CACNA1G: variants seen among roughly 807,000 people sequenced by gnomAD.
The protein encoded by CACNA1G is voltage-dependent T-type calcium channel subunit alpha-1G.
CACNA1G carries 67 observed loss-of-function variants against 219.4 expected under a neutral mutation model. The observed-to-expected ratio is 0.31, with a 90% CI of 0.25 to 0.37. The LOEUF (loss-of-function observed/expected upper bound fraction) is 0.37. CACNA1G is among the 10% of genes least tolerant of loss of function. CACNA1G has a pLI of 1.00. For synonymous variants in CACNA1G, 1,296 were observed against 1,345.3 expected, an observed-to-expected ratio of 0.96 and a Z score of 0.80; for missense variants, 2,380 against 3,231.4, an observed-to-expected ratio of 0.74 and a Z score of 6.39.
intron 1 of CACNA1G, among the ~76,000 whole-genome samples, chr17:50,562,372 C>A (rs1160964128): frequency 6.6e-6 from 1 of 152,108 alleles, no homozygotes; most frequent in Admixed American, 6.6e-5. Context: ...ATTCCGGCGG[C>A]GGCTGATGTC....
At chr17:50,579,468 C>G (rs1237820621) in intron 9 of CACNA1G, among the ~76,000 whole-genome samples, 1 of 152,114 alleles carries the variant, frequency 6.6e-6, no homozygotes, top group African/African-American at 2.4e-5. Flanking sequence ...CACCATGGGT[C>G]CTCACAACTG....
chr17:50,613,159 T>A (rs1231431585), intron 26 of CACNA1G, among the ~76,000 whole-genome samples: 1 of 152,220 alleles, frequency 6.6e-6, no homozygotes, highest in Non-Finnish European at 1.5e-5. Context: ...CGGGTCCAGC[T>A]CGGTCATGCC....
At chr17:50,624,597 G>A (rs2053190396) in intron 37 of CACNA1G, 68 bp downstream of exon 37, 2 of 1,365,670 alleles carry the variant, frequency 1.5e-6, no homozygotes, top group African/African-American at 1.5e-5. Context: ...GATGACCTGT[G>A]TTGACACTTT....
At position 50,613,413 on chromosome 17, in the gene CACNA1G, G is replaced by T. The variant is rs115154741; in HGVS notation, c.4760-1948G>T. Among the ~76,000 whole-genome samples the T allele has an allele frequency of 6.2e-3, 950 of 152,216 alleles. 13 individuals carry two copies. Among genetic ancestry groups the T allele is most frequent in the African/African-American group, 0.022 (905 of 41,534 alleles). ...GCAGATGCCCTGCCTCAGTCCTCCTGCCCCGCCTTCCTTCTGGGCCTCTTG... is the reference window on the plus strand; with the variant it reads ...GCAGATGCCCTGCCTCAGTCCTCCTTCCCCGCCTTCCTTCTGGGCCTCTTG... On this transcript the variant is annotated intron_variant, in intron 26 of 37. Coordinates refer to ENST00000359106, the MANE Select transcript of CACNA1G (RefSeq NM_018896.5).
chr17:50,607,042 G>A, intron 24 of CACNA1G, 53 bp downstream of exon 24: 2 of 1,363,910 alleles, frequency 1.5e-6, no homozygotes, highest in Non-Finnish European at 2.1e-6. Flanking sequence ...CTCAGCATGG[G>A]CTGATTCCAG....
intron 19 of CACNA1G, 97 bp from the exon 20 acceptor site, chr17:50,602,723 A>G: frequency 9.2e-7 from 1 of 1,082,564 alleles, no homozygotes; most frequent in Non-Finnish European, 1.4e-6. Flanking sequence ...TTCTGAGTCA[A>G]ATGTTAGAAG....
At chr17:50,572,162 C>T in intron 5 of CACNA1G, 125 bp downstream of exon 5, 1 of 1,139,102 alleles carries the variant, frequency 8.8e-7, no homozygotes, top group Non-Finnish European at 1.2e-6. Flanking sequence ...ATCTGGTTCT[C>T]AAACTTGGCT....
In CACNA1G at chr17:50,586,587, C is replaced by G. The variant is rs753997730; in HGVS notation, c.2302-3884C>G. Among the ~76,000 whole-genome samples the G allele has an allele frequency of 3.3e-5, 5 of 152,312 alleles. No individual in the cohort carries two copies. In the South Asian group the frequency reaches 1.0e-3, roughly 32 times the overall value. On this transcript the variant is annotated intron_variant, in intron 9 of 37. Transcript: ENST00000359106. ...TCGGTCCTGCCTTCTGTGAGCTTGG[C>G]CCTGGGGCTGGGGTTTCTCACAGCC...
In CACNA1G at chr17:50,617,838, T is replaced by C; in HGVS notation, c.5156-21T>C. The stretch of plus-strand genomic sequence containing the variant: ...CCGGGGACCCAAAGAGGCCAGCTCA[T>C]GACGTTGTCCTGTTCTGCAGTGCTG... On this transcript the variant is annotated intron_variant, in intron 29 of 37. Coordinates refer to ENST00000359106, the MANE Select transcript of CACNA1G (RefSeq NM_018896.5). This position sits in a 1 kb window ranked among gnomAD's most constrained non-coding sequence, Gnocchi z 5.8. 1 of 1,612,496 alleles carries C rather than the reference T, an allele frequency of 6.2e-7. No individual in the cohort carries two copies. Among genetic ancestry groups the C allele is most frequent in the Non-Finnish European group, 8.5e-7 (1 of 1,179,584 alleles).
At chr17:50,623,443 T>G (rs1327784841) in intron 35 of CACNA1G, among the ~76,000 whole-genome samples, 1 of 151,900 alleles carries the variant, frequency 6.6e-6, no homozygotes, top group African/African-American at 2.4e-5. Flanking sequence ...AATCCTCCCC[T>G]GAGCTGCTCT....
In CACNA1G at chr17:50,571,873, C is replaced by A. The variant is rs1401587582; in HGVS notation, c.587-5C>A. ...GTGTCCCCAGCGTGGCTTCTGCCCC[C>A]ACAGGCATGCGCATCCTTGTCACGT... On this transcript the variant is annotated splice_region_variant and splice_polypyrimidine_tract_variant and intron_variant, in intron 4 of 37. Transcript: ENST00000359106. The surrounding 1 kb of genome is among the most constrained non-coding windows in gnomAD (Gnocchi z 4.3). The A allele has an allele frequency of 6.2e-7, 1 of 1,613,396 alleles. No homozygotes were observed. Among genetic ancestry groups the A allele is most frequent in the East Asian group, 2.2e-5 (1 of 44,882 alleles).
At position 50,578,393 on chromosome 17, in the gene CACNA1G, C is replaced by G; in HGVS notation, c.2130C>G (p.Ser710Arg). 6.2e-7 allele frequency: 1 copy of G among 1,613,348 alleles called. No homozygotes were observed. Among genetic ancestry groups the G allele is most frequent in the Non-Finnish European group, 8.5e-7 (1 of 1,179,848 alleles). The change falls in exon 9 of 38, where the codon AGC becomes AGG. Residue 710 changes from serine to arginine, a missense_variant. Ser to Arg is a moderately radical substitution (Grantham distance 110, BLOSUM62 -1). Around this residue, in one of 17 missense-constraint regions of CACNA1G, gnomAD observed 434 missense variants for 417.3 expected, o/e 1.04. Transcript: ENST00000359106. The surrounding 1 kb of genome is among the most constrained non-coding windows in gnomAD (Gnocchi z 4.5). ...ACAGCGACCTCCGGGACCCCCACAG[C>G]CGGCGGCAACGGAGCCTGGGCCCAG... The part of the protein sequence containing the change: ...AQHSDLRDPH[S>R]RRQRSLGPDA...
rs1322540621 is a variant in CACNA1G at position 50,621,598 on chromosome 17, G to A, written c.5926-62G>A. 9.5e-6 allele frequency: 15 copies of A among 1,576,208 alleles called. No homozygotes were observed. Among genetic ancestry groups the A allele is most frequent in the South Asian group, 3.4e-5 (3 of 88,672 alleles). ...GGACTGAGAGAGAGCGCGTGTGTGCGTGTGCACGCGCGTGTGCGCTGTCCT... is the reference window on the plus strand; with the variant it reads ...GGACTGAGAGAGAGCGCGTGTGTGCATGTGCACGCGCGTGTGCGCTGTCCT... On this transcript the variant is annotated intron_variant, in intron 34 of 37. Coordinates refer to ENST00000359106, the MANE Select transcript of CACNA1G (RefSeq NM_018896.5). This position sits in a 1 kb window ranked among gnomAD's most constrained non-coding sequence, Gnocchi z 4.6.
chr17:50,576,169 G>A lies in CACNA1G; in HGVS notation c.1767G>A (p.Val589=), dbSNP rs569377393. Residue 589 remains valine (V), a synonymous_variant, in exon 8 of 38, where the codon GTG becomes GTA. Transcript: ENST00000359106. ...ASGRTVGSGK[V]YPTVHTSPPP... is the part of the protein sequence containing the mutation. Reference sequence around the variant, plus strand: ...GCAGGACTGTGGGCAGCGGGAAGGTGTATCCCACCGTGCACACCAGCCCTC... The same window carrying A: ...GCAGGACTGTGGGCAGCGGGAAGGTATATCCCACCGTGCACACCAGCCCTC... 40 of 1,610,210 alleles carry A rather than the reference G, an allele frequency of 2.5e-5. No individual in the cohort carries two copies. In the Admixed American group the frequency reaches 3.5e-4, roughly 14 times the overall value.
Position 50,599,437 on chromosome 17 carries a change from C to T in CACNA1G, c.3268C>T (p.Arg1090Cys), listed in dbSNP as rs954245034. The change falls in exon 17 of 38, where the codon CGC becomes TGC. Residue 1090 changes from arginine to cysteine, a missense_variant. Around this residue, in one of 17 missense-constraint regions of CACNA1G, gnomAD observed 418 missense variants for 434.3 expected, o/e 0.96. Transcript: ENST00000359106. ...CCCTGCTCACCCACAGCCCAGCGCC[C>T]GCAGCTCTCCGCACAGCCCCTGGAG... is the stretch of plus-strand genomic sequence containing the variant. Reference protein sequence around the residue: ...AHEMKSPPSARSSPHSPWSAA... With the variant: ...AHEMKSPPSACSSPHSPWSAA... The T allele has an allele frequency of 2.1e-5, 33 of 1,548,326 alleles. No homozygotes were observed. The highest frequency in any genetic ancestry group is 1.5e-4 in the East Asian group (6 of 41,098).
chr17:50,564,578 G>A (rs1218437859), intron 1 of CACNA1G, among the ~76,000 whole-genome samples: 1 of 151,728 alleles, frequency 6.6e-6, no homozygotes, highest in Admixed American at 6.6e-5. Flanking sequence ...GTGAGTGAGT[G>A]ACTGTGCGTC....
At position 50,608,321 on chromosome 17, in the gene CACNA1G, A is replaced by G. The variant is rs1191246515; in HGVS notation, c.4705+302A>G. ...TTGACACCCAGCCTCCCCGAGCTTGACTCTCAGAGGAGCCTCACTGGCTGC... is the reference window on the plus strand; with the variant it reads ...TTGACACCCAGCCTCCCCGAGCTTGGCTCTCAGAGGAGCCTCACTGGCTGC... On this transcript the variant is annotated intron_variant, in intron 25 of 37. Transcript: ENST00000359106. Among the ~76,000 whole-genome samples, 4 of 151,604 alleles carry G rather than the reference A, an allele frequency of 2.6e-5. No homozygotes were observed. In the East Asian group the frequency reaches 7.8e-4, roughly 30 times the overall value.
intron 13 of CACNA1G, among the ~76,000 whole-genome samples, chr17:50,592,926 A>G (rs536618928): frequency 1.3e-5 from 2 of 152,296 alleles, no homozygotes; most frequent in South Asian, 4.1e-4. Flanking sequence ...ACACGGTGGA[A>G]AAACAAAAAT....
rs1291731347 is a variant in CACNA1G, at chr17:50,596,413, T to C, written c.2980-149T>C. On this transcript the variant is annotated intron_variant, in intron 14 of 37. Coordinates refer to ENST00000359106, the MANE Select transcript of CACNA1G (RefSeq NM_018896.5). This position sits in a 1 kb window ranked among gnomAD's most constrained non-coding sequence, Gnocchi z 4.8. ...AGCCTCGGGCCCCAAGCCTGGGGGG[T>C]CTGGCCTGCGCCGTGCATGTCTCGT... is the stretch of plus-strand genomic sequence containing the variant. 1.6e-6 allele frequency: 1 copy of C among 645,092 alleles called. No homozygotes were observed. Among genetic ancestry groups the C allele is most frequent in the African/African-American group, 1.8e-5 (1 of 55,564 alleles). The allele number at this position is 645,092 out of a possible 1,614,324, so 40.0% of individuals were successfully genotyped here. A position where few individuals can be genotyped will look rare whatever the true frequency, so the allele number is the denominator to read the frequency against.
Sources: allele counts gnomAD v4.1 joint callset (sites outside exome capture counted in the v4.1 genomes callset), GRCh38; gene constraint gnomAD v4.1.1; regional missense constraint gnomAD v4.1.1; non-coding constraint Gnocchi (gnomAD v3.1); transcripts MANE v1.5; gene names NCBI Gene and HGNC (gene_info 2026-07-23, HGNC 2026-07-21).